ANO4: variants seen among roughly 807,000 people sequenced by gnomAD.
The protein encoded by ANO4 is anoctamin 4.
A neutral mutation model predicts 141.9 loss-of-function variants in ANO4; 69 were observed. The observed-to-expected ratio is 0.49, with a 90% CI of 0.40 to 0.59. The LOEUF is 0.59. Among genes scored for constraint, ANO4 ranks in the 20% least tolerant of loss-of-function variants. ANO4 has a pLI of 0.00. For missense variants in ANO4, 894 were observed against 1,162.2 expected, an observed-to-expected ratio of 0.77 and a Z score of 3.36; for synonymous variants, 350 against 394.3, an observed-to-expected ratio of 0.89 and a Z score of 1.33.
chr12:100,763,304 G>A (rs2032953629), intron 3 of ANO4, among the ~76,000 whole-genome samples: 1 of 152,236 alleles, frequency 6.6e-6, no homozygotes, highest in Non-Finnish European at 1.5e-5. Context: ...CCAGGAGCCA[G>A]TGGGTACTGC....
At chr12:100,943,028 A>T (rs1484985281) in intron 5 of ANO4, among the ~76,000 whole-genome samples, 2 of 152,174 alleles carry the variant, frequency 1.3e-5, no homozygotes, top group Non-Finnish European at 2.9e-5. Flanking sequence ...AGAGACATTC[A>T]GGCTATTTTT....
chr12:100,979,668 A>C (rs948498484), intron 7 of ANO4, among the ~76,000 whole-genome samples: 1 of 152,106 alleles, frequency 6.6e-6, no homozygotes, highest in African/African-American at 2.4e-5. Context: ...CATGTTCTCC[A>C]TGTGTGCAGA....
chr12:100,785,969 C>T lies in ANO4; in HGVS notation c.358+45864C>T, dbSNP rs556619065. 8.5e-5 allele frequency among the ~76,000 whole-genome samples: 13 copies of T among 152,234 alleles called. No homozygotes were observed. The East Asian group carries it at 2.3e-3, about 27-fold the overall frequency. On this transcript the variant is annotated intron_variant, in intron 3 of 29. Transcript: ENST00000644049. ...CAGTGGATGGCCTAGTTTTATTTTACCAAAATATGAGCATGTCACAGTCCT... is the reference window on the plus strand; with the variant it reads ...CAGTGGATGGCCTAGTTTTATTTTATCAAAATATGAGCATGTCACAGTCCT...
At chr12:100,905,896 G>A (rs925152345) in intron 2 of ANO4, among the ~76,000 whole-genome samples, 3 of 152,116 alleles carry the variant, frequency 2.0e-5, no homozygotes, top group Admixed American at 6.5e-5. Flanking sequence ...ATAATGGCAG[G>A]TGTGCTGAGG....
At chr12:100,810,661 G>C (rs1028054299) in intron 1 of ANO4, among the ~76,000 whole-genome samples, 2 of 152,148 alleles carry the variant, frequency 1.3e-5, no homozygotes, top group African/African-American at 4.8e-5. Flanking sequence ...GTACTAGAAG[G>C]ATACAGGAAA....
intron 1 of ANO4, among the ~76,000 whole-genome samples, chr12:100,835,235 T>C (rs963564588): frequency 2.0e-5 from 3 of 152,076 alleles, no homozygotes; most frequent in African/African-American, 7.2e-5. Flanking sequence ...CTTATTCATT[T>C]TGCATCCTGG....
intron 26 of ANO4, among the ~76,000 whole-genome samples, chr12:101,123,192 A>C (rs1270711420): frequency 6.6e-6 from 1 of 152,180 alleles, no homozygotes; most frequent in Admixed American, 6.5e-5. Context: ...AAAGAAGAAA[A>C]TATTAAGCTG....
chr12:101,085,334 T>A (rs1453431359), intron 16 of ANO4, among the ~76,000 whole-genome samples: 3 of 152,108 alleles, frequency 2.0e-5, no homozygotes, highest in African/African-American at 7.2e-5. Flanking sequence ...TGTCTGTGGG[T>A]TCTGCATTTA....
In ANO4 at chr12:101,079,252, T is replaced by C. The variant is rs144708621; in HGVS notation, c.1372T>C (p.Leu458=). The C allele has an allele frequency of 1.2e-4, 198 of 1,613,996 alleles. 1 individual carries two copies. In the African/African-American group the frequency reaches 2.0e-3, roughly 16 times the overall value. The part of the protein sequence containing the change: ...RRAVIAYDWD[L]IDWEEEEEEI... ...AGCAGTAATTGCTTATGACTGGGAT[T>C]TGATAGACTGGGAAGAAGAGGAGGT... is the stretch of plus-strand genomic sequence containing the variant. The change falls in exon 15 of 28, where the codon TTG becomes CTG. Residue 458 remains leucine, a synonymous_variant. Coordinates refer to ENST00000392977, the MANE Select transcript of ANO4 (RefSeq NM_001286615.2).
chr12:101,086,419 C>G (rs951718882), intron 16 of ANO4, among the ~76,000 whole-genome samples: 6 of 151,888 alleles, frequency 4.0e-5, no homozygotes, highest in Admixed American at 6.6e-5. Flanking sequence ...AAGTGTTGTC[C>G]CATAGCTTAC....
In ANO4 at chr12:100,951,109, T is replaced by C. The variant is rs1267969824; in HGVS notation, c.456+8574T>C. On this transcript the variant is annotated intron_variant, in intron 5 of 27. Transcript: ENST00000392977. ...TCAATATCACTAATCATTAGAGAAA[T>C]GTAAATTAAAACCACAATGAGATAC... Among the ~76,000 whole-genome samples the C allele has an allele frequency of 2.0e-5, 3 of 152,044 alleles. 1 individual carries two copies. The highest frequency in any genetic ancestry group is 4.8e-5 in the African/African-American group (2 of 41,380).
At chr12:100,877,488 T>A (rs920661080) in intron 1 of ANO4, among the ~76,000 whole-genome samples, 7 of 151,596 alleles carry the variant, frequency 4.6e-5, no homozygotes, top group African/African-American at 1.7e-4. Context: ...CAATTTGGGG[T>A]TGGTTCTAGA....
intron 1 of ANO4, among the ~76,000 whole-genome samples, chr12:100,856,163 A>G (rs2038160151): frequency 6.6e-6 from 1 of 152,160 alleles, no homozygotes; most frequent in Non-Finnish European, 1.5e-5. Flanking sequence ...AGGAGCTTGT[A>G]GGAGACTTGA....
chr12:100,746,453 T>TAAAAAAAAAAAAAAAAAAAA (rs58996492), intron 3 of ANO4, among the ~76,000 whole-genome samples: 2 of 147,006 alleles, frequency 1.4e-5, no homozygotes, highest in South Asian at 2.1e-4. Flanking sequence ...ACTCTGTTAT[T>TAAAAAAAAAAAAAAAAAAAA]AAAAAGAATG....
rs1211233923 is a variant in ANO4, at chr12:101,128,433, G to GTA, written c.*580_*581dup. On this transcript the variant is annotated 3_prime_UTR_variant, in exon 28 of 28. Coordinates refer to ENST00000392977, the MANE Select transcript of ANO4 (RefSeq NM_001286615.2). The stretch of plus-strand genomic sequence containing the variant: ...TAGATGTATTTCTGTGTGTACATAT[G>GTA]TATAGTCATGTATTCCTGCATATGT... 1 of 152,420 alleles carries GTA rather than the reference G, an allele frequency of 6.6e-6. No homozygotes were observed. Among genetic ancestry groups the GTA allele is most frequent in the South Asian group, 2.1e-4 (1 of 4,826 alleles). 9.4% of individuals were successfully genotyped at this position (152,420 alleles called of 1,614,324 possible). A position where few individuals can be genotyped will look rare whatever the true frequency, so the allele number is the denominator to read the frequency against.
At chr12:100,744,308 A>C (rs1202253050) in intron 3 of ANO4, among the ~76,000 whole-genome samples, 1 of 152,158 alleles carries the variant, frequency 6.6e-6, no homozygotes, top group Non-Finnish European at 1.5e-5. Flanking sequence ...TGGCTTAAAC[A>C]ACAAACGTTT....
chr12:100,983,333 C>T (rs558140512), intron 7 of ANO4, among the ~76,000 whole-genome samples: 92 of 152,272 alleles, frequency 6.0e-4, no homozygotes, highest in Non-Finnish European at 9.9e-4. Flanking sequence ...GCTGTCCTAA[C>T]GCATTGCGAC....
intron 14 of ANO4, chr12:101,068,458 T>C (rs2048683109): frequency 1.1e-6 from 1 of 924,846 alleles, no homozygotes; most frequent in Non-Finnish European, 1.8e-6. Flanking sequence ...ATGAAGCCTT[T>C]CTTTAGTGGC....
intron 5 of ANO4, among the ~76,000 whole-genome samples, chr12:100,960,425 A>G (rs1399957169): frequency 6.6e-6 from 1 of 152,146 alleles, no homozygotes; most frequent in Non-Finnish European, 1.5e-5. Flanking sequence ...AGGTAAAAAC[A>G]CTTGATAGAC....
Sources: gnomAD v4.1 joint callset for allele counts (sites outside exome capture counted in the v4.1 genomes callset) on GRCh38, gnomAD v4.1.1 for gene constraint, MANE v1.5 for transcripts, NCBI Gene and HGNC (gene_info 2026-07-23, HGNC 2026-07-21) for gene names.